The following ECHDC1 variants were observed in gnomAD, a reference collection of about 807,000 sequenced individuals.
ECHDC1 encodes ethylmalonyl-CoA decarboxylase.
Under a neutral mutation model 29.7 loss-of-function variants are expected in ECHDC1, and 29 were observed. That is an observed-to-expected ratio of 0.98 (90% CI 0.73 to 1.33). ECHDC1 has a LOEUF of 1.33. Ranked by LOEUF, ECHDC1 falls within the 40% of genes most tolerant of loss-of-function variation. ECHDC1 has a pLI of 0.00. For synonymous variants in ECHDC1, 126 were observed against 123.1 expected (o/e 1.02, Z -0.15); for missense variants, 328 against 350.0 (o/e 0.94, Z 0.50).
At chr6:127,325,009 G>A (rs918977339) in intron 3 of ECHDC1, among the ~76,000 whole-genome samples, 3 of 152,122 alleles carry the variant, frequency 2.0e-5, no homozygotes, top group African/African-American at 4.8e-5. Flanking sequence ...AAGGAGTGGA[G>A]TACGGAAAGT....
intron 5 of ECHDC1, among the ~76,000 whole-genome samples, chr6:127,293,996 A>G (rs1461162463): frequency 1.3e-5 from 2 of 152,222 alleles, no homozygotes; most frequent in Admixed American, 1.3e-4. Context: ...AAAGTTAGAA[A>G]TAATACTGTA....
intron 3 of ECHDC1, among the ~76,000 whole-genome samples, chr6:127,319,339 G>A (rs1216557719): frequency 6.6e-6 from 1 of 152,128 alleles, no homozygotes; most frequent in East Asian, 1.9e-4. Flanking sequence ...TATTAAGGGA[G>A]CTAGTAATGA....
chr6:127,314,766 G>A (rs563645893), intron 5 of ECHDC1, 50 bp downstream of exon 5: 2 of 1,425,936 alleles, frequency 1.4e-6, no homozygotes, highest in East Asian at 2.3e-5. Flanking sequence ...AAATGAATTT[G>A]AGCAAGTTAA....
chr6:127,291,276 CTTTTTT>C (rs57066162), intron 5 of ECHDC1, among the ~76,000 whole-genome samples: 1 of 133,280 alleles, frequency 7.5e-6, no homozygotes, highest in Admixed American at 7.6e-5. Context: ...GCTCTTATAC[CTTTTTT>C]TTTTTTTTTT....
chr6:127,326,569 A>G lies in ECHDC1; in HGVS notation c.363+433T>C, dbSNP rs776580806. The stretch of plus-strand genomic sequence containing the variant: ...ACAGGAACTCTGTATTCCATCTGCA[A>G]CTTTCCTGTAAATTTAAAATTATTC... On this transcript the variant is annotated intron_variant, in intron 3 of 5. Coordinates refer to ENST00000454859, the MANE Select transcript of ECHDC1 (RefSeq NM_001002030.2). 3.1e-5 allele frequency: 13 copies of G among 422,878 alleles called. 1 individual carries two copies. Among genetic ancestry groups the G allele is most frequent in the South Asian group, 1.3e-4 (7 of 52,512 alleles). 26.2% of individuals were successfully genotyped at this position (422,878 alleles called of 1,614,324 possible).
chr6:127,302,940 G>A (rs1337066936), intron 5 of ECHDC1, among the ~76,000 whole-genome samples: 6 of 152,004 alleles, frequency 3.9e-5, no homozygotes, highest in African/African-American at 1.2e-4. Context: ...GACAGCAGAG[G>A]GCACTGTCAT....
At chr6:127,330,758 T>A (rs1188030445) in intron 2 of ECHDC1, 51 bp downstream of exon 2, 1 of 1,503,328 alleles carries the variant, frequency 6.7e-7, no homozygotes, top group Non-Finnish European at 9.2e-7. Flanking sequence ...AAACTTGTGA[T>A]AACAGTTTAG....
chr6:127,316,446 T>G lies in ECHDC1; in HGVS notation c.416+4A>C, dbSNP rs770262151. The G allele has an allele frequency of 6.2e-7, 1 of 1,601,756 alleles. No individual in the cohort carries two copies. The highest frequency in any genetic ancestry group is 2.2e-5 in the East Asian group (1 of 44,510). On this transcript the variant is annotated splice_donor_region_variant and intron_variant, in intron 4 of 5. Coordinates refer to ENST00000454859, the MANE Select transcript of ECHDC1 (RefSeq NM_001002030.2). ...ATCATATTTTAAAAAGAAGGCTGCA[T>G]TACCTCATAAATCTTGTTAAGGTGT...
In ECHDC1 at chr6:127,289,859, G is replaced by A. The variant is rs778218071; in HGVS notation, c.*10C>T. ...AGCTTTACTTGGAGTACATCCACAC[G>A]AAAAACCAATTATTTATTAAATTTT... On this transcript the variant is annotated 3_prime_UTR_variant, in exon 6 of 6. Coordinates refer to ENST00000454859, the MANE Select transcript of ECHDC1 (RefSeq NM_001002030.2). 34 of 1,599,180 alleles carry A rather than the reference G, an allele frequency of 2.1e-5. No homozygotes were observed. The highest frequency in any genetic ancestry group is 2.7e-5 in the Non-Finnish European group (32 of 1,173,236).
chr6:127,298,202 G>A (rs150672598), intron 5 of ECHDC1, among the ~76,000 whole-genome samples: 16 of 152,178 alleles, frequency 1.1e-4, no homozygotes, highest in South Asian at 4.1e-4. Flanking sequence ...TTACTGTCAC[G>A]CCTTTCCTGC....
intron 5 of ECHDC1, among the ~76,000 whole-genome samples, chr6:127,300,977 A>T (rs1033853204): frequency 5.7e-5 from 6 of 105,676 alleles, no homozygotes; most frequent in Admixed American, 2.1e-4. Context: ...AAGGTGGATT[A>T]AAAAATGAGA....
At chr6:127,296,158 A>G (rs1379386782) in intron 5 of ECHDC1, among the ~76,000 whole-genome samples, 1 of 152,220 alleles carries the variant, frequency 6.6e-6, no homozygotes, top group Admixed American at 6.5e-5. Context: ...TGCAACTTTT[A>G]AAAAGATTGA....
At chr6:127,316,976 C>T (rs1782436941) in intron 3 of ECHDC1, among the ~76,000 whole-genome samples, 2 of 152,098 alleles carry the variant, frequency 1.3e-5, no homozygotes, top group African/African-American at 2.4e-5. Flanking sequence ...GTAGTCCAAA[C>T]TCATTGCCTT....
At position 127,289,823 on chromosome 6, in the gene ECHDC1, T is replaced by G. The variant is rs761722928; in HGVS notation, c.*46A>C. On this transcript the variant is annotated 3_prime_UTR_variant, in exon 6 of 6. Coordinates refer to ENST00000454859, the MANE Select transcript of ECHDC1 (RefSeq NM_001002030.2). ...TAATATCATTTAACATTTATACATA[T>G]TAGTCACTGGAGCTTTACTTGGAGT... 2.6e-6 allele frequency: 4 copies of G among 1,513,238 alleles called. No homozygotes were observed. The highest frequency in any genetic ancestry group is 3.6e-6 in the Non-Finnish European group (4 of 1,120,628). 93.7% of individuals were successfully genotyped at this position (1,513,238 alleles called of 1,614,324 possible). A position where few individuals can be genotyped will look rare whatever the true frequency, so the allele number is the denominator to read the frequency against.
chr6:127,322,566 C>T (rs977366456), intron 3 of ECHDC1, among the ~76,000 whole-genome samples: 25 of 151,870 alleles, frequency 1.6e-4, no homozygotes, highest in African/African-American at 5.8e-4. Context: ...TTATTTGAAG[C>T]TGGAATAAAA....
chr6:127,301,617 A>G (rs1781060141), intron 5 of ECHDC1, among the ~76,000 whole-genome samples: 1 of 152,210 alleles, frequency 6.6e-6, no homozygotes, highest in African/African-American at 2.4e-5. Context: ...CTGATTTATC[A>G]CTTCCTGGAA....
intron 5 of ECHDC1, among the ~76,000 whole-genome samples, chr6:127,307,031 A>G (rs1188014463): frequency 6.6e-6 from 1 of 152,198 alleles, no homozygotes; most frequent in East Asian, 1.9e-4. Context: ...TGGAAACTAC[A>G]CAAATACATG....
At position 127,290,137 on chromosome 6, in the gene ECHDC1, T is replaced by A. The variant is rs1386892485; in HGVS notation, c.638A>T (p.Asp213Val). The change falls in exon 6 of 6, where the codon GAT becomes GTT. Residue 213 changes from aspartate (D) to valine (V), a missense_variant. By Grantham distance (152) the Asp-to-Val change is radical. Coordinates refer to ENST00000454859, the MANE Select transcript of ECHDC1 (RefSeq NM_001002030.2). ...LKVLSGALKL[D>V]SKNALNIGMV... ...TCCTATGTTTAGAGCATTTTTTGAATCCAGTTTAAGGGCCCCACTCAACAC... is the reference window on the plus strand; with the variant it reads ...TCCTATGTTTAGAGCATTTTTTGAAACCAGTTTAAGGGCCCCACTCAACAC... 5 of 1,613,668 alleles carry A rather than the reference T, an allele frequency of 3.1e-6. No homozygotes were observed. Among genetic ancestry groups the A allele is most frequent in the Non-Finnish European group, 4.2e-6 (5 of 1,179,784 alleles).
chr6:127,309,850 G>A (rs1487277413), intron 5 of ECHDC1, among the ~76,000 whole-genome samples: 3 of 152,188 alleles, frequency 2.0e-5, no homozygotes, highest in South Asian at 4.1e-4. Flanking sequence ...GAGAAAGAGC[G>A]AAAGGAGAAG....
Sources: gnomAD v4.1 joint callset for allele counts (sites outside exome capture counted in the v4.1 genomes callset) on GRCh38, gnomAD v4.1.1 for gene constraint, MANE v1.5 for transcripts, NCBI Gene and HGNC (gene_info 2026-07-23, HGNC 2026-07-21) for gene names.